The following NCKAP5 variants were observed in gnomAD, a reference collection of about 807,000 sequenced individuals.
NCKAP5 encodes the protein NCK associated protein 5.
In NCKAP5, 92 loss-of-function variants were observed where a neutral mutation model predicts 167.0. The ratio of observed to expected loss-of-function variants is 0.55; its 90% CI spans 0.47 to 0.66. The LOEUF (loss-of-function observed/expected upper bound fraction) is 0.66. Ranked by LOEUF, NCKAP5 falls within the 30% of genes least tolerant of loss-of-function variation. The pLI is 0.00. For missense variants in NCKAP5, 2,378 were observed against 2,315.0 expected (o/e 1.03, Z -0.56); for synonymous variants, 891 against 877.4 (o/e 1.02, Z -0.27).
intron 5 of NCKAP5, 106 bp from the exon 6 acceptor site, chr2:133,130,217 T>A: frequency 7.9e-7 from 1 of 1,270,938 alleles, no homozygotes. Context: ...ATGAATTTCA[T>A]CCTTTGAACA....
intron 8 of NCKAP5, among the ~76,000 whole-genome samples, chr2:132,919,883 G>A (rs1403213987): frequency 6.6e-6 from 1 of 152,206 alleles, no homozygotes; most frequent in Non-Finnish European, 1.5e-5. Flanking sequence ...AGAATGAGCA[G>A]TAAGTATCTG....
At chr2:133,440,636 G>A (rs907978510) in intron 3 of NCKAP5, among the ~76,000 whole-genome samples, 1 of 149,436 alleles carries the variant, frequency 6.7e-6, no homozygotes, top group African/African-American at 2.5e-5. Flanking sequence ...TGTGAACCCA[G>A]GAGGCGGAGC....
chr2:133,507,482 T>C (rs1683113387), intron 3 of NCKAP5, among the ~76,000 whole-genome samples: 1 of 152,170 alleles, frequency 6.6e-6, no homozygotes. Flanking sequence ...AATGGACAAT[T>C]ATGATCCATT....
intron 7 of NCKAP5, among the ~76,000 whole-genome samples, chr2:132,970,643 G>A (rs763893996): frequency 5.3e-5 from 8 of 152,120 alleles, no homozygotes; most frequent in Non-Finnish European, 8.8e-5. Flanking sequence ...TCACCTTGTC[G>A]CTACATAAAG....
chr2:133,316,651 A>G lies in NCKAP5; in HGVS notation c.70-13541T>C, dbSNP rs535133406. Among the ~76,000 whole-genome samples the G allele has an allele frequency of 1.3e-4, 20 of 152,322 alleles. No individual in the cohort carries two copies. In the South Asian group the frequency reaches 4.1e-3, roughly 32 times the overall value. On this transcript the variant is annotated intron_variant, in intron 3 of 19. Transcript: ENST00000409261. ...TGCATTTCTTACTTATGGGCACTGA[A>G]CATAAATCACCCAAGAGGAGCGAAC...
At chr2:133,296,423 C>A (rs1301652748) in intron 4 of NCKAP5, among the ~76,000 whole-genome samples, 4 of 151,510 alleles carry the variant, frequency 2.6e-5, no homozygotes, top group Non-Finnish European at 4.4e-5. Flanking sequence ...TAGTAAAACT[C>A]CAGTCTCCCA....
At chr2:133,118,456 G>A (rs912231696) in intron 6 of NCKAP5, 1 of 152,012 alleles carries the variant, frequency 6.6e-6, no homozygotes, top group Non-Finnish European at 1.5e-5. Context: ...CACAGTGAGG[G>A]TTATTAAACG....
At chr2:133,201,392 T>C (rs1009334397) in intron 5 of NCKAP5, among the ~76,000 whole-genome samples, 2 of 152,170 alleles carry the variant, frequency 1.3e-5, no homozygotes, top group African/African-American at 2.4e-5. Flanking sequence ...CTGACTACTG[T>C]ACCAAGACAC....
intron 19 of NCKAP5, among the ~76,000 whole-genome samples, chr2:132,708,131 C>T (rs1688533132): frequency 6.6e-6 from 1 of 151,820 alleles, no homozygotes; most frequent in African/African-American, 2.4e-5. Context: ...CCAGCACATT[C>T]CCAGCTGTGG....
Position 132,765,308 on chromosome 2 carries a change from CTTTTTTTTTTTTTTT to C in NCKAP5, c.5128+8493_5128+8507del, listed in dbSNP as rs1170247644. On this transcript the variant is annotated intron_variant, in intron 16 of 19. Coordinates refer to ENST00000409261, the MANE Select transcript of NCKAP5 (RefSeq NM_207363.3). ...TGTTTTCCTATGGATTTCTTTCTTT[CTTTTTTTTTTTTTTT>C]TTTTTTGAGACGGAGTTTCGCTCTG... 3.0e-4 allele frequency among the ~76,000 whole-genome samples: 34 copies of C among 114,290 alleles called. No homozygotes were observed. The East Asian group carries it at 8.4e-3, about 28-fold the overall frequency. 75.0% of individuals were successfully genotyped at this position (114,290 alleles called of 152,430 possible). A position where few individuals can be genotyped will look rare whatever the true frequency, so the allele number is the denominator to read the frequency against.
intron 6 of NCKAP5, among the ~76,000 whole-genome samples, chr2:133,127,161 G>C (rs1375678696): frequency 2.6e-5 from 4 of 152,136 alleles, no homozygotes; most frequent in African/African-American, 9.7e-5. Context: ...CCCCGTCCAA[G>C]GGTGATGCAA....
intron 3 of NCKAP5, among the ~76,000 whole-genome samples, chr2:133,450,125 GCACACACACGCGCGTGCGTGCGTGCACA>G (rs1017437443): frequency 1.0e-4 from 15 of 143,684 alleles, no homozygotes; most frequent in South Asian, 6.3e-4. Flanking sequence ...CAACACACAC[GCACACACACGCGCGTGCGTGCGTGCACA>G]CACACAACAA....
intron 7 of NCKAP5, among the ~76,000 whole-genome samples, chr2:132,974,853 T>C (rs1023448019): frequency 6.6e-6 from 1 of 152,212 alleles, no homozygotes; most frequent in Admixed American, 6.5e-5. Flanking sequence ...TAGTTAATGA[T>C]GACACAATTA....
chr2:133,518,267 T>C (rs1466336365), intron 2 of NCKAP5, among the ~76,000 whole-genome samples: 2 of 151,286 alleles, frequency 1.3e-5, no homozygotes, highest in East Asian at 3.9e-4. Context: ...GGATTCATCA[T>C]ATATGTTAAG....
intron 9 of NCKAP5, among the ~76,000 whole-genome samples, chr2:132,876,520 A>G (rs1691291478): frequency 6.6e-6 from 1 of 152,248 alleles, no homozygotes. Context: ...AAACCTTGAA[A>G]AGAATTTCCA....
chr2:132,676,218 A>G (rs754278795), intron 19 of NCKAP5, among the ~76,000 whole-genome samples: 7 of 149,894 alleles, frequency 4.7e-5, no homozygotes, highest in Non-Finnish European at 8.9e-5. Context: ...CAAAATACCC[A>G]GTATGTATAC....
rs550348975 is a variant in NCKAP5, at chr2:132,798,645, C to T, written c.808-1916G>A. On this transcript the variant is annotated intron_variant, in intron 11 of 19. Coordinates refer to ENST00000409261, the MANE Select transcript of NCKAP5 (RefSeq NM_207363.3). ...GAATATATGCATCTAAAAACCTGCC[C>T]TCCTCAAGGCTGTTTCAGTGGCTTT... Among the ~76,000 whole-genome samples the T allele has an allele frequency of 1.1e-4, 16 of 152,294 alleles. No individual in the cohort carries two copies. In the South Asian group the frequency reaches 3.3e-3, roughly 32 times the overall value.
chr2:132,913,491 A>T (rs972874353), intron 8 of NCKAP5, among the ~76,000 whole-genome samples: 1 of 152,126 alleles, frequency 6.6e-6, no homozygotes, highest in Non-Finnish European at 1.5e-5. Context: ...ATAAGAGGTG[A>T]AAACTGATAG....
At chr2:132,890,584 C>A (rs1348960) in intron 8 of NCKAP5, among the ~76,000 whole-genome samples, 50,959 of 152,000 alleles carry the variant, frequency 0.34, 8,743 homozygotes, top group Middle Eastern at 0.43. Flanking sequence ...GCGTGCCAGC[C>A]AGGTGAGTGC....
Sources: allele counts gnomAD v4.1 joint callset (sites outside exome capture counted in the v4.1 genomes callset), GRCh38; gene constraint gnomAD v4.1.1; transcripts MANE v1.5; gene names NCBI Gene and HGNC (gene_info 2026-07-23, HGNC 2026-07-21).